Variants in BTBD9 observed in about 807,000 individuals in gnomAD.
BTBD9 encodes the protein BTB/POZ domain-containing protein 9.
BTBD9 carries 49 observed loss-of-function variants against 64.3 expected under a neutral mutation model. The observed-to-expected ratio is 0.76, with a 90% CI of 0.61 to 0.97. The LOEUF is 0.97. Ranked by LOEUF, BTBD9 falls within the 50% of genes least tolerant of loss-of-function variation. The pLI is 0.00. For synonymous variants in BTBD9, 260 were observed against 274.7 expected (o/e 0.95, Z 0.53); for missense variants, 598 against 762.1 (o/e 0.78, Z 2.53).
chr6:38,577,753 A>G lies in BTBD9; in HGVS notation c.1035-34T>C, dbSNP rs778572136. On this transcript the variant is annotated intron_variant, in intron 5 of 10. Coordinates refer to ENST00000481247, the MANE Select transcript of BTBD9 (RefSeq NM_001099272.2). Reference sequence around the variant, plus strand: ...CAAAAGGAAAAAGCAGAAAAAAATTACCACATTAAAAAACAATACAAAGCT... The same window carrying G: ...CAAAAGGAAAAAGCAGAAAAAAATTGCCACATTAAAAAACAATACAAAGCT... 9 of 1,583,228 alleles carry G rather than the reference A, an allele frequency of 5.7e-6. No homozygotes were observed. The East Asian group carries it at 2.0e-4, about 35-fold the overall frequency.
At chr6:38,175,533 G>A (rs1469785486) in intron 10 of BTBD9, among the ~76,000 whole-genome samples, 2 of 146,428 alleles carry the variant, frequency 1.4e-5, no homozygotes, top group African/African-American at 5.0e-5. Flanking sequence ...TTGGCAGTTG[G>A]GTTAAAAGTC....
At chr6:38,514,360 T>C (rs1039759140) in intron 6 of BTBD9, among the ~76,000 whole-genome samples, 1 of 152,264 alleles carries the variant, frequency 6.6e-6, no homozygotes, top group Non-Finnish European at 1.5e-5. Context: ...CCCAATTCTT[T>C]GTCCATTTTT....
At chr6:38,601,040 A>G (rs1272350379) in intron 1 of BTBD9, among the ~76,000 whole-genome samples, 1 of 152,044 alleles carries the variant, frequency 6.6e-6, no homozygotes, top group Admixed American at 6.6e-5. Flanking sequence ...TCAAATGGGG[A>G]GCTTAAAAAC....
At chr6:38,203,516 G>C (rs765280573) in intron 9 of BTBD9, among the ~76,000 whole-genome samples, 2 of 152,172 alleles carry the variant, frequency 1.3e-5, no homozygotes, top group Admixed American at 6.5e-5. Flanking sequence ...ATCAATGGAC[G>C]TAAGGGTAAA....
chr6:38,560,457 T>A (rs1434582626), intron 6 of BTBD9, among the ~76,000 whole-genome samples: 4 of 152,160 alleles, frequency 2.6e-5, no homozygotes, highest in Non-Finnish European at 5.9e-5. Flanking sequence ...AAAATCAAAA[T>A]CTTTTTGTAC....
intron 6 of BTBD9, among the ~76,000 whole-genome samples, chr6:38,370,255 A>G (rs1044837180): frequency 1.5e-4 from 23 of 150,244 alleles, no homozygotes; most frequent in African/African-American, 5.6e-4. Context: ...CTCTTTGAAT[A>G]TATTATTTTT....
chr6:38,605,051 CT>C (rs70981570), intron 1 of BTBD9, among the ~76,000 whole-genome samples: 4,652 of 142,546 alleles, frequency 0.033, 145 homozygotes, highest in African/African-American at 0.096. Flanking sequence ...TTTGCTAATT[CT>C]TTTTTTTTTT....
intron 6 of BTBD9, among the ~76,000 whole-genome samples, chr6:38,489,442 G>C (rs1462729551): frequency 1.3e-5 from 2 of 152,144 alleles, no homozygotes; most frequent in African/African-American, 4.8e-5. Flanking sequence ...ACTCCAGCCT[G>C]GGTGACAAGA....
intron 6 of BTBD9, among the ~76,000 whole-genome samples, chr6:38,416,561 G>T (rs1197492049): frequency 7.2e-6 from 1 of 138,648 alleles, no homozygotes; most frequent in Non-Finnish European, 1.5e-5. Context: ...AGCCAGGATG[G>T]TCTCTATCTC....
intron 6 of BTBD9, among the ~76,000 whole-genome samples, chr6:38,383,421 A>G (rs1473207125): frequency 6.6e-6 from 1 of 152,220 alleles, no homozygotes; most frequent in Non-Finnish European, 1.5e-5. Context: ...TCAGTGGTAA[A>G]ATGATAGAAG....
chr6:38,638,865 C>G (rs1778621126), intron 1 of BTBD9, among the ~76,000 whole-genome samples: 1 of 152,194 alleles, frequency 6.6e-6, no homozygotes. Flanking sequence ...TAACCACAAC[C>G]CCTATACATC....
chr6:38,465,038 C>T (rs1184680044), intron 6 of BTBD9, among the ~76,000 whole-genome samples: 1 of 152,150 alleles, frequency 6.6e-6, no homozygotes, highest in East Asian at 1.9e-4. Flanking sequence ...TGGGGCAGCT[C>T]ATGCCTATAA....
intron 6 of BTBD9, among the ~76,000 whole-genome samples, chr6:38,505,937 C>T (rs1283090983): frequency 7.9e-6 from 1 of 127,290 alleles, no homozygotes; most frequent in Non-Finnish European, 1.6e-5. Context: ...CGCATTCCAG[C>T]CTGGCAACAG....
intron 7 of BTBD9, among the ~76,000 whole-genome samples, chr6:38,335,029 G>T (rs918339020): frequency 4.6e-5 from 7 of 152,164 alleles, no homozygotes; most frequent in Admixed American, 4.6e-4. Flanking sequence ...TATAGTGAGT[G>T]AGTTCTCCTG....
intron 8 of BTBD9, among the ~76,000 whole-genome samples, chr6:38,273,084 G>T (rs192419397): frequency 5.8e-4 from 88 of 152,270 alleles, no homozygotes; most frequent in African/African-American, 2.0e-3. Flanking sequence ...AATGCAAAGG[G>T]TGTATAGGAC....
intron 6 of BTBD9, among the ~76,000 whole-genome samples, chr6:38,472,090 T>C (rs1770675475): frequency 6.6e-6 from 1 of 152,192 alleles, no homozygotes; most frequent in African/African-American, 2.4e-5. Flanking sequence ...GAAAATTCCA[T>C]AAATCCCATC....
rs1766767499 is a variant in BTBD9, at chr6:38,171,597, TGTGTGTGAGAGG to T, written c.*3376_*3387del. ...GTGTGTGTGTGTGTGTGTGTGTGTGTGTGTGTGAGAGGGAGAGACGGTGGGGGCGGGGGGTGG... is the reference window on the plus strand; with the variant it reads ...GTGTGTGTGTGTGTGTGTGTGTGTGTGAGAGACGGTGGGGGCGGGGGGTGG... On this transcript the variant is annotated 3_prime_UTR_variant, in exon 11 of 11. Transcript: ENST00000481247. The T allele has an allele frequency of 1.5e-5, 1 of 67,290 alleles. No individual in the cohort carries two copies. Among genetic ancestry groups the T allele is most frequent in the African/African-American group, 6.0e-5 (1 of 16,596 alleles). The allele number at this position is 67,290 out of a possible 1,614,324, so 4.2% of individuals were successfully genotyped here. A position where few individuals can be genotyped will look rare whatever the true frequency, so the allele number is the denominator to read the frequency against.
rs1041069443 is a variant in BTBD9, at chr6:38,270,736, A to C, written c.1455-14220T>G. 3.9e-5 allele frequency among the ~76,000 whole-genome samples: 6 copies of C among 152,222 alleles called. No homozygotes were observed. In the East Asian group the frequency reaches 1.2e-3, roughly 29 times the overall value. ...CAGGTAAAAGGAAAACAGTGAAGTT[A>C]CTAGTTATTTCCTTAGCCTATTAGG... On this transcript the variant is annotated intron_variant, in intron 8 of 10. Coordinates refer to ENST00000481247, the MANE Select transcript of BTBD9 (RefSeq NM_001099272.2).
chr6:38,331,338 G>C (rs992213618), intron 7 of BTBD9, among the ~76,000 whole-genome samples: 3 of 152,080 alleles, frequency 2.0e-5, no homozygotes, highest in Non-Finnish European at 4.4e-5. Flanking sequence ...AATTAGCTGG[G>C]AGTGGTGGCG....
Sources: gnomAD v4.1 joint callset for allele counts (sites outside exome capture counted in the v4.1 genomes callset) on GRCh38, gnomAD v4.1.1 for gene constraint, MANE v1.5 for transcripts, NCBI Gene and HGNC (gene_info 2026-07-23, HGNC 2026-07-21) for gene names.